Variants in CYRIA observed in about 807,000 individuals in gnomAD.
The protein encoded by CYRIA is CYFIP-related Rac1 interactor A.
A neutral mutation model predicts 43.9 loss-of-function variants in CYRIA; 15 were observed. That is an observed-to-expected ratio of 0.34 (90% CI 0.23 to 0.53). CYRIA has a LOEUF of 0.53. Among genes scored for constraint, CYRIA ranks in the 20% least tolerant of loss-of-function variants. The pLI is 0.94. For synonymous variants in CYRIA, 117 were observed against 136.0 expected, an observed-to-expected ratio of 0.86 and a Z score of 0.97; for missense variants, 236 against 394.2, an observed-to-expected ratio of 0.60 and a Z score of 3.40.
chr2:16,637,924 G>C (rs1036662448), intron 1 of CYRIA, among the ~76,000 whole-genome samples: 2 of 152,168 alleles, frequency 1.3e-5, no homozygotes, highest in African/African-American at 4.8e-5. Flanking sequence ...CTTCACCAGG[G>C]ACTGTGTCCA....
intron 3 of CYRIA, among the ~76,000 whole-genome samples, chr2:16,586,209 G>A (rs1462507966): frequency 2.6e-5 from 4 of 152,054 alleles, no homozygotes; most frequent in South Asian, 2.1e-4. Context: ...AATGGGACAC[G>A]TTACCACTAT....
intron 2 of CYRIA, among the ~76,000 whole-genome samples, chr2:16,610,498 G>T (rs1157991443): frequency 3.9e-5 from 6 of 152,262 alleles, no homozygotes; most frequent in African/African-American, 7.2e-5. Context: ...TTGGCATTAG[G>T]TTGCCTGAAT....
intron 2 of CYRIA, among the ~76,000 whole-genome samples, chr2:16,612,014 G>T (rs771279739): frequency 1.2e-4 from 19 of 152,022 alleles, no homozygotes; most frequent in Non-Finnish European, 2.2e-4. Flanking sequence ...TGCACCTTGT[G>T]CCACAGCCCC....
chr2:16,560,880 T>C, intron 9 of CYRIA, 110 bp downstream of exon 9: 1 of 930,642 alleles, frequency 1.1e-6, no homozygotes, highest in Non-Finnish European at 1.8e-6. Flanking sequence ...ATAATATACA[T>C]GAAAACTTTA....
chr2:16,558,002 C>T (rs920145777), intron 10 of CYRIA, among the ~76,000 whole-genome samples: 1 of 152,072 alleles, frequency 6.6e-6, no homozygotes, highest in African/African-American at 2.4e-5. Flanking sequence ...GCCCATGATA[C>T]ACTTTTATGT....
chr2:16,624,696 G>GT (rs963753963), intron 1 of CYRIA, among the ~76,000 whole-genome samples: 1 of 152,080 alleles, frequency 6.6e-6, no homozygotes, highest in South Asian at 2.1e-4. Flanking sequence ...TTATTGCAGG[G>GT]TTTTTTTCCT....
rs75747361 is a variant in CYRIA at position 16,613,479 on chromosome 2, T to A, written c.-11+10385A>T. 6.0e-3 allele frequency among the ~76,000 whole-genome samples: 901 copies of A among 150,808 alleles called. 8 individuals carry two copies. The highest frequency in any genetic ancestry group is 0.021 in the African/African-American group (856 of 40,114). ...CATTCGCTGAGTGTCAGCCCTGCAC[T>A]CGATGCTATGCTAAGCGCTACATGC... On this transcript the variant is annotated intron_variant, in intron 2 of 11. Coordinates refer to ENST00000381323, the MANE Select transcript of CYRIA (RefSeq NM_030797.4).
At chr2:16,665,752 GCCGCGC>G (rs371164481) in intron 1 of CYRIA, 22 bp downstream of exon 1, 9,924 of 142,022 alleles carry the variant, frequency 0.07, 510 homozygotes, top group African/African-American at 0.14. Flanking sequence ...CCGCGCCCCT[GCCGCGC>G]CCCCAGCCGC....
At chr2:16,626,733 C>T (rs1669180246) in intron 1 of CYRIA, among the ~76,000 whole-genome samples, 1 of 152,182 alleles carries the variant, frequency 6.6e-6, no homozygotes, top group South Asian at 2.1e-4. Context: ...TCTCCACAGG[C>T]AGCACAACCT....
In CYRIA at chr2:16,636,393, G is replaced by A. The variant is rs113472137; in HGVS notation, c.-166-12374C>T. ...TGAGCAGATTAATGGGGATAATTTC[G>A]CCCTTCCTGGTCTATAAATGACAAC... On this transcript the variant is annotated intron_variant, in intron 1 of 11. Transcript: ENST00000381323. 1.1e-3 allele frequency among the ~76,000 whole-genome samples: 163 copies of A among 152,220 alleles called. 1 individual carries two copies. The highest frequency in any genetic ancestry group is 1.8e-3 in the Non-Finnish European group (120 of 68,024).
chr2:16,620,738 G>T (rs2103505982), intron 2 of CYRIA, among the ~76,000 whole-genome samples: 1 of 152,204 alleles, frequency 6.6e-6, no homozygotes, highest in Admixed American at 6.5e-5. Context: ...TGAGTCCCTT[G>T]GTCTCTCAGA....
chr2:16,599,667 T>G (rs1440166384), intron 2 of CYRIA, among the ~76,000 whole-genome samples: 1 of 149,628 alleles, frequency 6.7e-6, no homozygotes, highest in Admixed American at 6.6e-5. Flanking sequence ...GTACCTCAGA[T>G]GGAAATGCAG....
In CYRIA at chr2:16,638,276, T is replaced by G. The variant is rs192977172; in HGVS notation, c.-166-14257A>C. Among the ~76,000 whole-genome samples, 888 of 152,292 alleles carry G rather than the reference T, an allele frequency of 5.8e-3. 8 individuals are homozygous for G. Among genetic ancestry groups the G allele is most frequent in the African/African-American group, 0.021 (866 of 41,550 alleles). ...CAAGGTATGGTACCTCCATCTTGTT[T>G]GCTAACAGCCCGTAAGCTTCCAGGA... On this transcript the variant is annotated intron_variant, in intron 1 of 11. Transcript: ENST00000381323.
intron 1 of CYRIA, among the ~76,000 whole-genome samples, chr2:16,656,363 C>A (rs1351672455): frequency 6.6e-6 from 1 of 152,160 alleles, no homozygotes; most frequent in African/African-American, 2.4e-5. Flanking sequence ...CCACACACAT[C>A]ATACTTATAC....
intron 2 of CYRIA, among the ~76,000 whole-genome samples, chr2:16,607,721 C>A (rs1668456926): frequency 6.6e-6 from 1 of 152,116 alleles, no homozygotes; most frequent in Admixed American, 6.5e-5. Context: ...CTTAGCCTCC[C>A]AAGCAGGTGG....
chr2:16,657,077 C>T (rs1299782681), intron 1 of CYRIA, among the ~76,000 whole-genome samples: 1 of 152,202 alleles, frequency 6.6e-6, no homozygotes, highest in Non-Finnish European at 1.5e-5. Flanking sequence ...CCTCTTTTGA[C>T]GTCCTAGCCT....
chr2:16,587,016 G>GA (rs1423608819), intron 3 of CYRIA, among the ~76,000 whole-genome samples: 2 of 151,948 alleles, frequency 1.3e-5, no homozygotes, highest in Non-Finnish European at 2.9e-5. Context: ...CAAAAAATAA[G>GA]AAAAAATCCC....
chr2:16,554,593 C>T (rs1403650440), intron 11 of CYRIA, among the ~76,000 whole-genome samples: 1 of 152,158 alleles, frequency 6.6e-6, no homozygotes, highest in Non-Finnish European at 1.5e-5. Flanking sequence ...GAGACCCTAG[C>T]CCAGAGATTC....
At chr2:16,628,681 G>T (rs2342437) in intron 1 of CYRIA, among the ~76,000 whole-genome samples, 51,696 of 152,072 alleles carry the variant, frequency 0.34, 10,150 homozygotes, top group Non-Finnish European at 0.44. Context: ...ACTGTCCTAG[G>T]CATGTAAGAA....
Sources: gnomAD v4.1 joint callset for allele counts (sites outside exome capture counted in the v4.1 genomes callset) on GRCh38, gnomAD v4.1.1 for gene constraint, MANE v1.5 for transcripts, NCBI Gene and HGNC (gene_info 2026-07-23, HGNC 2026-07-21) for gene names.